The following AKAP17A variants were observed in gnomAD, a reference collection of about 807,000 sequenced individuals.
AKAP17A encodes A-kinase anchor protein 17A.
A neutral mutation model predicts 52.2 loss-of-function variants in AKAP17A; 15 were observed. That is an observed-to-expected ratio of 0.29 (90% CI 0.19 to 0.44). The LOEUF (loss-of-function observed/expected upper bound fraction) is 0.44, where lower values mean the gene tolerates loss of function less well. AKAP17A is among the 20% of genes least tolerant of loss of function. The pLI is 1.00. For missense variants in AKAP17A, 1,060 were observed against 1,007.0 expected (o/e 1.05, Z -0.71); for synonymous variants, 514 against 424.7 (o/e 1.21, Z -2.58).
chrX:1,593,335 C>T (rs1368933770), intron 1 of AKAP17A, 109 bp from the exon 2 acceptor site: 2 of 1,072,248 alleles, frequency 1.9e-6, no homozygotes, highest in Non-Finnish European at 1.4e-6. Flanking sequence ...CAGAGAGACA[C>T]TGCTGTTTCT....
intron 1 of AKAP17A, among the ~76,000 whole-genome samples, chrX:1,592,712 C>G (rs1210546772): frequency 6.6e-6 from 1 of 152,138 alleles, no homozygotes; most frequent in African/African-American, 2.4e-5. Context: ...GCGAGTGAAG[C>G]TTCCTCTACT....
At chrX:1,597,706 C>T (rs767751359) in intron 3 of AKAP17A, among the ~76,000 whole-genome samples, 14 of 152,084 alleles carry the variant, frequency 9.2e-5, no homozygotes, top group South Asian at 8.3e-4. Context: ...CTTGCGGGTG[C>T]GGAGAAGAAG....
rs148212090 is a variant in AKAP17A, at chrX:1,594,179, C to T, written c.717C>T (p.Leu239=). ...TGAGCGCCCTGCGCGGGATGAAACT[C>T]ATGTACAAGGGCGAGGACGGCAAGG... is the stretch of plus-strand genomic sequence containing the variant. ...QAMSALRGMK[L]MYKGEDGKAV... Residue 239 remains leucine (L), a synonymous_variant, in exon 2 of 5, where the codon CTC becomes CTT. Transcript: ENST00000313871. 5.1e-5 allele frequency: 81 copies of T among 1,587,862 alleles called. No individual in the cohort carries two copies. In the African/African-American group the frequency reaches 1.0e-3, roughly 20 times the overall value.
rs112387445 is a variant in AKAP17A, at chrX:1,595,241, C to G, written c.763-143C>G. On this transcript the variant is annotated intron_variant, in intron 2 of 4. Coordinates refer to ENST00000313871, the MANE Select transcript of AKAP17A (RefSeq NM_005088.3). ...TGGGCTCCACTGTCTGGGTCTGCACCGGACATGAGTGGTGAGCGGTGAGCG... is the reference window on the plus strand; with the variant it reads ...TGGGCTCCACTGTCTGGGTCTGCACGGGACATGAGTGGTGAGCGGTGAGCG... 23 of 222,298 alleles carry G rather than the reference C, an allele frequency of 1.0e-4. 4 individuals are homozygous for G. Among genetic ancestry groups the G allele is most frequent in the Admixed American group, 1.0e-3 (13 of 13,018 alleles). 13.8% of individuals were successfully genotyped at this position (222,298 alleles called of 1,614,324 possible).
In AKAP17A at chrX:1,593,640, C is replaced by A; in HGVS notation, c.178C>A (p.Gln60Lys). The change falls in exon 2 of 5, where the codon CAG (glutamine) becomes AAG (lysine). Residue 60 changes from glutamine (Q) to lysine (K), a missense_variant. Around this residue, in one of 2 missense-constraint regions of AKAP17A, gnomAD observed 267 missense variants for 377.1 expected, o/e 0.71. Transcript: ENST00000313871. The stretch of plus-strand genomic sequence containing the variant: ...GATGGAGAGGCTGAAGGGCATGGTG[C>A]AGAACCACCAGTTCTCCACGCTGCG... ...EVMERLKGMV[Q>K]NHQFSTLRIS... 6.2e-7 allele frequency: 1 copy of A among 1,613,902 alleles called. No individual in the cohort carries two copies.
chrX:1,594,297 C>A, intron 2 of AKAP17A, 73 bp downstream of exon 2: 4 of 1,473,284 alleles, frequency 2.7e-6, no homozygotes, highest in Non-Finnish European at 3.6e-6. Context: ...GTCAGCAGAA[C>A]GCTCCCAGCC....
chrX:1,594,334 C>G (rs1932898877), intron 2 of AKAP17A, 110 bp downstream of exon 2: 1 of 1,324,130 alleles, frequency 7.6e-7, no homozygotes, highest in African/African-American at 1.5e-5. Flanking sequence ...GGGGACCTCC[C>G]CTAAGTAAAA....
rs199721958 is a variant in AKAP17A at position 1,600,878 on chromosome X, G to T, written c.1372G>T (p.Val458Leu). Residue 458 changes from valine to leucine, a missense_variant, in exon 5 of 5, where the codon GTG becomes TTG. Val to Leu is a conservative substitution (Grantham distance 32). This residue lies in a region of AKAP17A where 793 missense variants were observed against 629.9 expected (regional missense o/e 1.26). Coordinates refer to ENST00000313871, the MANE Select transcript of AKAP17A (RefSeq NM_005088.3). ...CAGCCACACACACGACGAGCTGGGCGTGGCACACGCCGACCTGCTGCAGCC... is the reference window on the plus strand; with the variant it reads ...CAGCCACACACACGACGAGCTGGGCTTGGCACACGCCGACCTGCTGCAGCC... ...DDSHTHDELG[V>L]AHADLLQPVL... The T allele has an allele frequency of 4.4e-6, 7 of 1,584,724 alleles. No homozygotes were observed. Among genetic ancestry groups the T allele is most frequent in the Non-Finnish European group, 6.0e-6 (7 of 1,169,654 alleles).
At chrX:1,595,272 C>T (rs1274192731) in intron 2 of AKAP17A, 112 bp from the exon 3 acceptor site, 31 of 1,405,184 alleles carry the variant, frequency 2.2e-5, no homozygotes, top group Admixed American at 4.1e-5. Flanking sequence ...GAGCGGTGAG[C>T]GGGCGCTCAG....
chrX:1,597,328 C>T (rs1222953930), intron 3 of AKAP17A, among the ~76,000 whole-genome samples: 11 of 152,082 alleles, frequency 7.2e-5, no homozygotes, highest in Non-Finnish European at 1.5e-4. Context: ...AGCGAGTGGC[C>T]GTGAATGTGC....
rs1379690820 is a variant in AKAP17A at position 1,595,505 on chromosome X, CGGA to C, written c.889_891del (p.Glu297del). On this transcript the variant is annotated inframe_deletion, in exon 3 of 5. Coordinates refer to ENST00000313871, the MANE Select transcript of AKAP17A (RefSeq NM_005088.3). ...GAACAAAAGCGCAGAGAGAAGGAAG[CGGA>C]GGAGAGGCAGCGAGCGGAGGAAAGG... The C allele has an allele frequency of 8.1e-6, 13 of 1,613,762 alleles. No individual in the cohort carries two copies. Among genetic ancestry groups the C allele is most frequent in the Non-Finnish European group, 1.1e-5 (13 of 1,179,872 alleles).
At position 1,595,540 on chromosome X, in the gene AKAP17A, C is replaced by T. The variant is rs1268687417; in HGVS notation, c.911+8C>T. 1.9e-6 allele frequency: 3 copies of T among 1,613,562 alleles called. No homozygotes were observed. Among genetic ancestry groups the T allele is most frequent in the African/African-American group, 1.3e-5 (1 of 75,032 alleles). The stretch of plus-strand genomic sequence containing the variant: ...GCAGCGAGCGGAGGAAAGGTACCTT[C>T]TGCGGGAGCGGGCCCTCGGCGCTGG... On this transcript the variant is annotated splice_region_variant and intron_variant, in intron 3 of 4. Coordinates refer to ENST00000313871, the MANE Select transcript of AKAP17A (RefSeq NM_005088.3).
rs748079720 is a variant in AKAP17A, at chrX:1,600,526, G to C, written c.1153-133G>C. The C allele has an allele frequency of 1.1e-3, 1,082 of 951,280 alleles. 13 individuals are homozygous for C. In the African/African-American group the frequency reaches 0.016, roughly 14 times the overall value. 58.9% of individuals were successfully genotyped at this position (951,280 alleles called of 1,614,324 possible). A position where few individuals can be genotyped will look rare whatever the true frequency, so the allele number is the denominator to read the frequency against. ...CCGTAGGAGACGCCCCCCACCCCTG[G>C]GCTGGAGTCCAGCCAGGCCGCTGAT... is the stretch of plus-strand genomic sequence containing the variant. On this transcript the variant is annotated intron_variant, in intron 4 of 4. Transcript: ENST00000313871.
At position 1,599,202 on chromosome X, in the gene AKAP17A, G is replaced by A. The variant is rs1933205307; in HGVS notation, c.922G>A (p.Glu308Lys). The stretch of plus-strand genomic sequence containing the variant: ...GTGTGTTCCACACAGGAAACAAAAG[G>A]AGCTGGAAGAGCTGGAGCGAGAGAG... ...RQRAEERKQK[E>K]LEELERERKR... The change falls in exon 4 of 5, where the codon GAG becomes AAG. Residue 308 changes from glutamate to lysine, a missense_variant. Transcript: ENST00000313871. The A allele has an allele frequency of 1.2e-6, 2 of 1,611,896 alleles. No homozygotes were observed. The highest frequency in any genetic ancestry group is 2.2e-5 in the South Asian group (2 of 91,002).
At chrX:1,598,255 G>A (rs1471026410) in intron 3 of AKAP17A, among the ~76,000 whole-genome samples, 13 of 152,174 alleles carry the variant, frequency 8.5e-5, no homozygotes, top group Non-Finnish European at 1.8e-4. Context: ...TGCATGCCCC[G>A]CCCGGAGACC....
At chrX:1,600,083 GC>G (rs1306994495) in intron 4 of AKAP17A, 1 of 1,097,616 alleles carries the variant, frequency 9.1e-7, no homozygotes, top group Admixed American at 2.3e-5. Context: ...CAGGAGGGCT[GC>G]GTCCCCCTGG....
rs1255077821 is a variant in AKAP17A at position 1,602,294 on chromosome X, A to G, written c.*700A>G. The G allele has an allele frequency of 3.3e-5, 5 of 152,160 alleles. No homozygotes were observed. The highest frequency in any genetic ancestry group is 5.9e-5 in the Non-Finnish European group (4 of 68,032). The allele number at this position is 152,160 out of a possible 1,614,324, so 9.4% of individuals were successfully genotyped here. ...TTGGTTAAAAGCTTTGGTTTCTAGT[A>G]AAGGTTAGTGTGTGTGGTTTTTTTA... On this transcript the variant is annotated 3_prime_UTR_variant, in exon 5 of 5. Transcript: ENST00000313871.
intron 3 of AKAP17A, among the ~76,000 whole-genome samples, chrX:1,597,095 G>C (rs2149442951): frequency 6.6e-6 from 1 of 152,334 alleles, no homozygotes; most frequent in South Asian, 2.1e-4. Flanking sequence ...GGTCCGTTTT[G>C]TTTCCATTTC....
chrX:1,596,473 GTGGATTCCTCCTCCTCCTCCTC>G (rs1569350704), intron 3 of AKAP17A, among the ~76,000 whole-genome samples: 7 of 64,004 alleles, frequency 1.1e-4, no homozygotes, highest in African/African-American at 3.8e-4. Flanking sequence ...TCCTAGTGAG[GTGGATTCCTCCTCCTCCTCCTC>G]CATCCCTCCC....
Sources: gnomAD v4.1 joint callset for allele counts (sites outside exome capture counted in the v4.1 genomes callset) on GRCh38, gnomAD v4.1.1 for gene constraint, gnomAD v4.1.1 regional missense constraint, MANE v1.5 for transcripts, NCBI Gene and HGNC (gene_info 2026-07-23, HGNC 2026-07-21) for gene names.